MDN1: variants seen among roughly 807,000 people sequenced by gnomAD.
MDN1 encodes the protein midasin AAA ATPase 1, also known as midasin.
In MDN1, 266 loss-of-function variants were observed where a neutral mutation model predicts 669.2. The observed-to-expected ratio is 0.40, with a 90% CI of 0.36 to 0.44. The LOEUF (loss-of-function observed/expected upper bound fraction) is 0.44, where lower values mean the gene tolerates loss of function less well. Ranked by LOEUF, MDN1 falls within the 20% of genes least tolerant of loss-of-function variation. The probability of loss-of-function intolerance (pLI) is 1.00; values close to 1 mark genes in which losing one functional copy is unlikely to be tolerated. For missense variants in MDN1, 5,940 were observed against 6,754.0 expected, an observed-to-expected ratio of 0.88 and a Z score of 4.22; for synonymous variants, 2,385 against 2,457.1, an observed-to-expected ratio of 0.97 and a Z score of 0.87.
chr6:89,703,241 C>T (rs1249127159), intron 53 of MDN1, among the ~76,000 whole-genome samples: 1 of 151,890 alleles, frequency 6.6e-6, no homozygotes, highest in Non-Finnish European at 1.5e-5. Flanking sequence ...CCTGGCTAGG[C>T]TCATTTTACT....
rs112686404 is a variant in MDN1, at chr6:89,711,167, C to G, written c.7652-373G>C. Among the ~76,000 whole-genome samples, 143 of 152,266 alleles carry G rather than the reference C, an allele frequency of 9.4e-4. 1 individual carries two copies. The highest frequency in any genetic ancestry group is 3.1e-3 in the African/African-American group (128 of 41,550). The stretch of plus-strand genomic sequence containing the variant: ...GCTCATGTAAACTCAATTACTTAAT[C>G]TCCACCAACAAATTCCATGTTCTGT... On this transcript the variant is annotated intron_variant, in intron 49 of 101. Coordinates refer to ENST00000369393, the MANE Select transcript of MDN1 (RefSeq NM_014611.3).
At chr6:89,702,087 A>G (rs775727459) in intron 53 of MDN1, 26 bp from the exon 54 acceptor site, 10 of 1,566,198 alleles carry the variant, frequency 6.4e-6, no homozygotes, top group Non-Finnish European at 7.8e-6. Flanking sequence ...CTTAGATAAG[A>G]TGGCATGAAG....
At chr6:89,683,079 G>C (rs1811754549) in intron 73 of MDN1, 53 bp downstream of exon 73, 1 of 1,574,248 alleles carries the variant, frequency 6.4e-7, no homozygotes, top group Admixed American at 1.7e-5. Context: ...ATAAAACACA[G>C]ATCCCACTTG....
At chr6:89,719,526 CAA>C (rs970383975) in intron 40 of MDN1, among the ~76,000 whole-genome samples, 5 of 151,920 alleles carry the variant, frequency 3.3e-5, no homozygotes, top group African/African-American at 7.2e-5. Flanking sequence ...AATCTAGAGA[CAA>C]AAAAAGAGTT....
rs573982667 is a variant in MDN1 at position 89,713,142 on chromosome 6, T to G, written c.7218+6A>C. 103 of 1,609,848 alleles carry G rather than the reference T, an allele frequency of 6.4e-5. No individual in the cohort carries two copies. The South Asian group carries it at 1.1e-3, about 17-fold the overall frequency. Reference sequence around the variant, plus strand: ...CTTAGAAACATTCTGCAATACTTCATAGTACCTTCCGGTTTGCTGGTGAAT... The same window carrying G: ...CTTAGAAACATTCTGCAATACTTCAGAGTACCTTCCGGTTTGCTGGTGAAT... On this transcript the variant is annotated splice_donor_region_variant and intron_variant, in intron 47 of 101. Transcript: ENST00000369393.
In MDN1 at chr6:89,656,781, T is replaced by C; in HGVS notation, c.15204A>G (p.Ala5068=). ...CATGGCCTTCTGCCTGGTTTGCATC[T>C]GCAGCTCCACTTCCGTGTTCCTAGG... The part of the protein sequence containing the change: ...QGKEEHGSGA[A]DANQAEGHES... The change falls in exon 91 of 102, where the codon GCA becomes GCG. Residue 5068 remains alanine (A), a synonymous_variant. Transcript: ENST00000369393. The C allele has an allele frequency of 6.2e-7, 1 of 1,613,534 alleles. No homozygotes were observed. Among genetic ancestry groups the C allele is most frequent in the Non-Finnish European group, 8.5e-7 (1 of 1,179,702 alleles).
intron 59 of MDN1, among the ~76,000 whole-genome samples, chr6:89,696,856 C>T (rs144616171): frequency 8.5e-5 from 13 of 152,284 alleles, no homozygotes; most frequent in African/African-American, 3.1e-4. Flanking sequence ...AAGAAACACA[C>T]TGCAGGAGGA....
At chr6:89,815,191 T>C (rs547249222) in intron 1 of MDN1, 31 of 388,616 alleles carry the variant, frequency 8.0e-5, no homozygotes, top group Non-Finnish European at 1.4e-4. Context: ...GCCTACCCTC[T>C]ACGGCAGTGG....
intron 19 of MDN1, 36 bp downstream of exon 19, chr6:89,758,219 G>T: frequency 6.6e-7 from 1 of 1,524,822 alleles, no homozygotes; most frequent in Non-Finnish European, 9.0e-7. Context: ...AGAACCTGTT[G>T]CAAAAAAGGA....
intron 7 of MDN1, among the ~76,000 whole-genome samples, 167 bp downstream of exon 7, chr6:89,789,613 T>C (rs1819144942): frequency 6.6e-6 from 1 of 152,188 alleles, no homozygotes; most frequent in African/African-American, 2.4e-5. Flanking sequence ...GTCAAGTAAT[T>C]CAGGACCGCA....
chr6:89,763,986 G>A (rs760455775), intron 15 of MDN1, among the ~76,000 whole-genome samples: 20 of 152,142 alleles, frequency 1.3e-4, no homozygotes, highest in African/African-American at 2.4e-5. Context: ...AGGTCAAGGC[G>A]GGAGGATCCC....
chr6:89,698,370 A>G (rs1357075294), intron 59 of MDN1, among the ~76,000 whole-genome samples: 1 of 152,240 alleles, frequency 6.6e-6, no homozygotes, highest in East Asian at 1.9e-4. Context: ...AAACTTCAAC[A>G]CTTTATCGGT....
rs1012633567 is a variant in MDN1, at chr6:89,747,355, T to C, written c.3878A>G (p.Asp1293Gly). 9 of 1,613,976 alleles carry C rather than the reference T, an allele frequency of 5.6e-6. No homozygotes were observed. Among genetic ancestry groups the C allele is most frequent in the Non-Finnish European group, 6.8e-6 (8 of 1,180,008 alleles). Residue 1293 changes from aspartate (D) to glycine (G), a missense_variant, in exon 27 of 102, where the codon GAC becomes GGC. Physicochemically the swap from Asp to Gly is moderately conservative, Grantham distance 94. This residue lies in a region of MDN1 where 2,292 missense variants were observed against 2,638.3 expected (regional missense o/e 0.87). Coordinates refer to ENST00000369393, the MANE Select transcript of MDN1 (RefSeq NM_014611.3). ...RLAEPTEKEY[D>G]WLQHLANDGY... is the part of the protein sequence containing the mutation. ...ATCATTGGCTAAATGCTGTAGCCAG[T>C]CATACTCCTTCTCGGTCGGCTCAGC...
rs980391445 is a variant in MDN1, at chr6:89,745,326, T to A, written c.4125A>T (p.Leu1375=). 2.5e-6 allele frequency: 4 copies of A among 1,613,788 alleles called. No homozygotes were observed. In the African/African-American group the frequency reaches 5.3e-5, roughly 22 times the overall value. The change falls in exon 29 of 102, where the codon CTA becomes CTT. Residue 1375 remains leucine, a synonymous_variant. Transcript: ENST00000369393. ...WTEGMRRLAM[L]VGRALEFGEP... Reference sequence around the variant, plus strand: ...CACCAAATTCCAATGCCCTTCCCACTAGCATCGCGAGTCTCCGCATGCCCT... The same window carrying A: ...CACCAAATTCCAATGCCCTTCCCACAAGCATCGCGAGTCTCCGCATGCCCT...
At chr6:89,659,980 C>T (rs142832513) in intron 88 of MDN1, among the ~76,000 whole-genome samples, 171 of 152,226 alleles carry the variant, frequency 1.1e-3, no homozygotes, top group African/African-American at 4.0e-3. Context: ...CTCTGCCTCC[C>T]GGGTTCAAGC....
intron 97 of MDN1, among the ~76,000 whole-genome samples, chr6:89,649,258 G>A (rs1217872857): frequency 1.3e-5 from 2 of 152,192 alleles, no homozygotes; most frequent in Non-Finnish European, 2.9e-5. Context: ...AATTCTGCAA[G>A]TATGAGGTTA....
At chr6:89,707,740 T>C (rs547514850) in intron 51 of MDN1, among the ~76,000 whole-genome samples, 4 of 152,278 alleles carry the variant, frequency 2.6e-5, no homozygotes, top group African/African-American at 9.6e-5. Flanking sequence ...CACCGTGAAC[T>C]CTTCAAAGTG....
chr6:89,645,925 G>T lies in MDN1; in HGVS notation c.16459+615C>A, dbSNP rs55738164. On this transcript the variant is annotated intron_variant, in intron 100 of 101. Coordinates refer to ENST00000369393, the MANE Select transcript of MDN1 (RefSeq NM_014611.3). Reference sequence around the variant, plus strand: ...GTTTCAAGCCCCCAAAGTAAATGTGGTTGGATTAGCTGGTTTTTATATTAT... The same window carrying T: ...GTTTCAAGCCCCCAAAGTAAATGTGTTTGGATTAGCTGGTTTTTATATTAT... Among the ~76,000 whole-genome samples, 1,045 of 152,276 alleles carry T rather than the reference G, an allele frequency of 6.9e-3. 11 individuals carry two copies. Among genetic ancestry groups the T allele is most frequent in the Non-Finnish European group, 0.011 (743 of 68,018 alleles).
rs143329119 is a variant in MDN1 at position 89,701,660 on chromosome 6, C to A, written c.8325G>T (p.Gln2775His). The change falls in exon 55 of 102, where the codon CAG (glutamine) becomes CAT (histidine). Residue 2775 changes from glutamine to histidine, a missense_variant. Physicochemically the swap from Gln to His is conservative, Grantham distance 24 (BLOSUM62 0). This residue lies in a region of MDN1 where 2,292 missense variants were observed against 2,638.3 expected (regional missense o/e 0.87). Transcript: ENST00000369393. ...NYEDKYYKEV[Q>H]TVSEHIQNCL... ...AATTCTGAATATGTTCTGAGACAGT[C>A]TGAACTTCTTTGTAATATCTTTAAA... is the stretch of plus-strand genomic sequence containing the variant. The A allele has an allele frequency of 8.7e-6, 14 of 1,613,854 alleles. 1 individual carries two copies. Among genetic ancestry groups the A allele is most frequent in the South Asian group, 7.7e-5 (7 of 90,980 alleles).
Sources: allele counts gnomAD v4.1 joint callset (sites outside exome capture counted in the v4.1 genomes callset), GRCh38; gene constraint gnomAD v4.1.1; regional missense constraint gnomAD v4.1.1; transcripts MANE v1.5; gene names NCBI Gene and HGNC (gene_info 2026-07-23, HGNC 2026-07-21).